ADK: variants seen among roughly 807,000 people sequenced by gnomAD.
ADK encodes the protein N6,N6-dimethyladenosine kinase.
In ADK, 24 loss-of-function variants were observed where a neutral mutation model predicts 44.7. The observed-to-expected ratio is 0.54, with a 90% CI of 0.39 to 0.76. The LOEUF (loss-of-function observed/expected upper bound fraction) is 0.76, where lower values mean the gene tolerates loss of function less well. Among genes scored for constraint, ADK ranks in the 30% least tolerant of loss-of-function variants. ADK has a pLI of 0.00. For synonymous variants in ADK, 128 were observed against 142.6 expected, an observed-to-expected ratio of 0.90 and a Z score of 0.73; for missense variants, 321 against 425.1, an observed-to-expected ratio of 0.76 and a Z score of 2.15.
chr10:74,383,023 T>G (rs1345105087), intron 4 of ADK, among the ~76,000 whole-genome samples: 1 of 152,014 alleles, frequency 6.6e-6, no homozygotes, highest in East Asian at 1.9e-4. Context: ...TAACAAAGCT[T>G]AGAAAATAAG....
chr10:74,707,086 G>A (rs1045530264), intron 10 of ADK, among the ~76,000 whole-genome samples: 2 of 151,974 alleles, frequency 1.3e-5, no homozygotes, highest in African/African-American at 4.8e-5. Flanking sequence ...CCCAGGTTGG[G>A]GTGCAGTGAT....
Position 74,225,333 on chromosome 10 carries a change from C to G in ADK, c.194+742C>G, listed in dbSNP as rs561170316. On this transcript the variant is annotated intron_variant, in intron 3 of 10. Coordinates refer to ENST00000539909, the MANE Select transcript of ADK (RefSeq NM_006721.4). ...CCTCAGGTGATCTGCCTGCCTTGGC[C>G]TCCCAAAGTGCTGGGATTACAGGTG... Among the ~76,000 whole-genome samples the G allele has an allele frequency of 2.6e-3, 398 of 152,286 alleles. 1 individual carries two copies. Among genetic ancestry groups the G allele is most frequent in the South Asian group, 0.014 (69 of 4,820 alleles).
chr10:74,517,653 C>A (rs1848646571), intron 6 of ADK, among the ~76,000 whole-genome samples: 1 of 149,678 alleles, frequency 6.7e-6, no homozygotes, highest in East Asian at 2.0e-4. Flanking sequence ...TGCACCACTG[C>A]ACTCTAGTCT....
chr10:74,562,556 G>C (rs1257823226), intron 7 of ADK, among the ~76,000 whole-genome samples: 1 of 152,120 alleles, frequency 6.6e-6, no homozygotes, highest in African/African-American at 2.4e-5. Context: ...AATTAGTTTA[G>C]CAGTTTGTAC....
intron 3 of ADK, among the ~76,000 whole-genome samples, chr10:74,252,600 A>G (rs1184266749): frequency 6.6e-6 from 1 of 152,232 alleles, no homozygotes; most frequent in East Asian, 1.9e-4. Flanking sequence ...TATATATGTT[A>G]AAGGTAGCAA....
chr10:74,467,792 C>T (rs1013295084), intron 6 of ADK, among the ~76,000 whole-genome samples: 1 of 151,710 alleles, frequency 6.6e-6, no homozygotes, highest in Non-Finnish European at 1.5e-5. Flanking sequence ...TCTTTTTATG[C>T]CTTGGAATCA....
intron 6 of ADK, among the ~76,000 whole-genome samples, chr10:74,482,670 T>C (rs1387081151): frequency 6.6e-6 from 1 of 152,126 alleles, no homozygotes; most frequent in Non-Finnish European, 1.5e-5. Flanking sequence ...CATGATACAA[T>C]GGAGATACAG....
At chr10:74,531,505 A>G (rs779685227) in intron 7 of ADK, among the ~76,000 whole-genome samples, 1 of 152,138 alleles carries the variant, frequency 6.6e-6, no homozygotes, top group Non-Finnish European at 1.5e-5. Flanking sequence ...CAAAGGCTGA[A>G]TTGCTTCAGT....
intron 7 of ADK, among the ~76,000 whole-genome samples, chr10:74,577,389 G>A: frequency 6.6e-6 from 1 of 151,812 alleles, no homozygotes; most frequent in East Asian, 1.9e-4. Flanking sequence ...TGAATCAGCT[G>A]GCAAGAAAGA....
chr10:74,217,136 G>A (rs1844073072), intron 2 of ADK, among the ~76,000 whole-genome samples: 1 of 152,210 alleles, frequency 6.6e-6, no homozygotes, highest in Admixed American at 6.5e-5. Context: ...GGTGACAGAT[G>A]GCACCTGGAA....
At chr10:74,228,569 A>C (rs1844635961) in intron 3 of ADK, among the ~76,000 whole-genome samples, 1 of 152,180 alleles carries the variant, frequency 6.6e-6, no homozygotes, top group African/African-American at 2.4e-5. Context: ...TTATATGTCA[A>C]TTATACTTCA....
intron 3 of ADK, among the ~76,000 whole-genome samples, chr10:74,261,612 A>G (rs1846040593): frequency 1.3e-5 from 2 of 152,206 alleles, no homozygotes; most frequent in Non-Finnish European, 2.9e-5. Context: ...CTACCTTTAC[A>G]TAGGTTGGTA....
chr10:74,642,359 A>ATT (rs59316334), intron 9 of ADK, among the ~76,000 whole-genome samples: 5 of 134,138 alleles, frequency 3.7e-5, no homozygotes, highest in Non-Finnish European at 6.4e-5. Context: ...GATGCACTCA[A>ATT]TTTTTTTTTT....
At chr10:74,488,669 G>C (rs1589162564) in intron 6 of ADK, among the ~76,000 whole-genome samples, 1 of 150,570 alleles carries the variant, frequency 6.6e-6, no homozygotes, top group African/African-American at 2.4e-5. Context: ...GTCAGAAATG[G>C]AGACATCTAA....
chr10:74,610,960 T>A lies in ADK; in HGVS notation c.877+10467T>A, dbSNP rs141481098. ...CAAAAATTGGAGAAAGCAATACAAC[T>A]TTTGTTCTGAATTGGAAATAATGTG... is the stretch of plus-strand genomic sequence containing the variant. On this transcript the variant is annotated intron_variant, in intron 9 of 10. Coordinates refer to ENST00000539909, the MANE Select transcript of ADK (RefSeq NM_006721.4). Among the ~76,000 whole-genome samples, 12 of 152,132 alleles carry A rather than the reference T, an allele frequency of 7.9e-5. 1 individual carries two copies. Among genetic ancestry groups the A allele is most frequent in the African/African-American group, 1.9e-4 (8 of 41,524 alleles).
At chr10:74,250,249 G>A (rs1845597898) in intron 3 of ADK, among the ~76,000 whole-genome samples, 1 of 152,332 alleles carries the variant, frequency 6.6e-6, no homozygotes, top group South Asian at 2.1e-4. Flanking sequence ...TTCTCTAGCT[G>A]TGAGGTATGC....
At chr10:74,492,017 T>C (rs990147116) in intron 6 of ADK, among the ~76,000 whole-genome samples, 4 of 152,216 alleles carry the variant, frequency 2.6e-5, no homozygotes, top group Non-Finnish European at 5.9e-5. Flanking sequence ...TTCCCATATG[T>C]TAATATTTAC....
At chr10:74,570,540 C>A (rs1465280754) in intron 7 of ADK, among the ~76,000 whole-genome samples, 2 of 152,078 alleles carry the variant, frequency 1.3e-5, no homozygotes, top group Admixed American at 1.3e-4. Flanking sequence ...GTATTTTATT[C>A]TCTTTGAAGC....
At position 74,294,976 on chromosome 10, in the gene ADK, C is replaced by T. The variant is rs189026871; in HGVS notation, c.195-19691C>T. Among the ~76,000 whole-genome samples the T allele has an allele frequency of 1.1e-4, 16 of 152,202 alleles. 1 individual carries two copies. The highest frequency in any genetic ancestry group is 3.8e-4 in the African/African-American group (16 of 41,564). Reference sequence around the variant, plus strand: ...GTTCAAGTGATTCTCCCACCTCAGCCTCCTCAGCAGCTAGGACTACAGGCG... The same window carrying T: ...GTTCAAGTGATTCTCCCACCTCAGCTTCCTCAGCAGCTAGGACTACAGGCG... On this transcript the variant is annotated intron_variant, in intron 3 of 10. Coordinates refer to ENST00000539909, the MANE Select transcript of ADK (RefSeq NM_006721.4).
Sources: allele counts gnomAD v4.1 joint callset (sites outside exome capture counted in the v4.1 genomes callset), GRCh38; gene constraint gnomAD v4.1.1; transcripts MANE v1.5; gene names NCBI Gene and HGNC (gene_info 2026-07-23, HGNC 2026-07-21).